SRFBP1: variants seen among roughly 807,000 people sequenced by gnomAD.
The protein encoded by SRFBP1 is serum response factor binding protein 1.
A neutral mutation model predicts 45.5 loss-of-function variants in SRFBP1; 47 were observed. That is an observed-to-expected ratio of 1.03 (90% CI 0.82 to 1.32). The LOEUF (loss-of-function observed/expected upper bound fraction) is 1.32, where lower values mean the gene tolerates loss of function less well. Ranked by LOEUF, SRFBP1 falls within the 40% of genes most tolerant of loss-of-function variation. The pLI is 0.00. For missense variants in SRFBP1, 621 were observed against 484.6 expected (o/e 1.28, Z -2.64); for synonymous variants, 203 against 166.3 (o/e 1.22, Z -1.70).
chr5:122,057,459 CTGTGTGTGTGTG>C (rs3028227), intron 2 of SRFBP1, among the ~76,000 whole-genome samples: 4 of 146,424 alleles, frequency 2.7e-5, no homozygotes, highest in Non-Finnish European at 4.5e-5. Context: ...GTTCTCAGTT[CTGTGTGTGTGTG>C]TGTGTGTGTG....
downstream of SRFBP1, among the ~76,000 whole-genome samples, chr5:122,030,320 C>T (rs1018809902): frequency 6.6e-6 from 1 of 152,218 alleles, no homozygotes; most frequent in African/African-American, 2.4e-5. Flanking sequence ...TTTGTGAAAC[C>T]TTGCCTTATT....
At chr5:122,077,307 C>T (rs546477873), downstream of SRFBP1, 2 of 1,611,226 alleles carry the variant, frequency 1.2e-6, no homozygotes, top group South Asian at 2.2e-5. This position sits in a 1 kb window ranked among gnomAD's most constrained non-coding sequence, Gnocchi z 4.9. Flanking sequence ...AGCCACATAG[C>T]TGGGGACCAG....
chr5:121,972,804 A>T (rs1053770556), intron 1 of SRFBP1, among the ~76,000 whole-genome samples: 1 of 151,812 alleles, frequency 6.6e-6, no homozygotes, highest in Non-Finnish European at 1.5e-5. Context: ...GAATATTATG[A>T]GTGATGACAA....
At chr5:122,077,647 G>C, downstream of SRFBP1, 4 of 1,609,780 alleles carry the variant, frequency 2.5e-6, no homozygotes, top group Admixed American at 1.7e-5. This position sits in a 1 kb window ranked among gnomAD's most constrained non-coding sequence, Gnocchi z 4.9. Context: ...GGCGGCCAGC[G>C]GTGACTCCAG....
chr5:121,967,715 G>A (rs764126068), intron 1 of SRFBP1, among the ~76,000 whole-genome samples: 1 of 152,114 alleles, frequency 6.6e-6, no homozygotes, highest in African/African-American at 2.4e-5. Flanking sequence ...CGTACCTGTA[G>A]TCCCAGCTAC....
downstream of SRFBP1, chr5:122,077,967 C>G: frequency 6.8e-7 from 1 of 1,464,310 alleles, no homozygotes; most frequent in South Asian, 1.5e-5. The surrounding 1 kb of genome is among the most constrained non-coding windows in gnomAD (Gnocchi z 4.9). Flanking sequence ...AGCAGGAGCA[C>G]GGTCCAGGCG....
At chr5:122,015,682 A>G (rs1264223580) in intron 4 of SRFBP1, among the ~76,000 whole-genome samples, 5 of 152,248 alleles carry the variant, frequency 3.3e-5, no homozygotes, top group African/African-American at 1.2e-4. Flanking sequence ...CAGTTTGCCA[A>G]TTCCTGGTTT....
At chr5:122,016,769 C>T (rs1304157541) in intron 4 of SRFBP1, among the ~76,000 whole-genome samples, 1 of 152,104 alleles carries the variant, frequency 6.6e-6, no homozygotes, top group African/African-American at 2.4e-5. Flanking sequence ...AACTCAGCAG[C>T]AGGTTGAAGA....
chr5:122,040,858 T>G (rs1753761896), intron 2 of SRFBP1, among the ~76,000 whole-genome samples: 1 of 152,150 alleles, frequency 6.6e-6, no homozygotes, highest in South Asian at 2.1e-4. Context: ...AAGGTCATCT[T>G]GTTAGAGAGA....
intron 2 of SRFBP1, among the ~76,000 whole-genome samples, chr5:122,048,437 T>A (rs917684717): frequency 3.9e-5 from 6 of 152,210 alleles, no homozygotes; most frequent in Non-Finnish European, 8.8e-5. Flanking sequence ...TGCTATTGGA[T>A]TCGGTTTGCC....
intron 2 of SRFBP1, among the ~76,000 whole-genome samples, 173 bp downstream of exon 2, chr5:121,974,457 T>C (rs1043451652): frequency 1.3e-5 from 2 of 151,976 alleles, no homozygotes; most frequent in African/African-American, 4.8e-5. Context: ...TGTGTCAGCA[T>C]GCCCTTCTAT....
At chr5:122,010,796 C>T (rs1161797588) in intron 4 of SRFBP1, among the ~76,000 whole-genome samples, 1 of 152,036 alleles carries the variant, frequency 6.6e-6, no homozygotes, top group Admixed American at 6.6e-5. Flanking sequence ...TCTTCAAAGA[C>T]AGGAACATAC....
chr5:121,968,353 T>C (rs972142423), intron 1 of SRFBP1, among the ~76,000 whole-genome samples: 1 of 152,002 alleles, frequency 6.6e-6, no homozygotes, highest in African/African-American at 2.4e-5. Context: ...GTGAGAGATT[T>C]CATTATGCTA....
chr5:122,058,564 GTGTGTGTA>G (rs1186067343), intron 2 of SRFBP1, among the ~76,000 whole-genome samples: 5 of 142,294 alleles, frequency 3.5e-5, no homozygotes, highest in African/African-American at 1.4e-4. Flanking sequence ...GTGTGTGTGT[GTGTGTGTA>G]TAAAGCCCTA....
chr5:121,999,486 A>G (rs963832241), intron 4 of SRFBP1, among the ~76,000 whole-genome samples: 5 of 152,024 alleles, frequency 3.3e-5, no homozygotes, highest in African/African-American at 9.7e-5. Context: ...TGGTATTCAG[A>G]TTATCCATAT....
intron 4 of SRFBP1, among the ~76,000 whole-genome samples, chr5:122,010,577 C>T (rs1429709981): frequency 6.6e-6 from 1 of 152,158 alleles, no homozygotes; most frequent in Admixed American, 6.5e-5. Flanking sequence ...ATTACTTCCT[C>T]CAGTTGATTG....
chr5:121,981,480 A>T (rs540399747), intron 3 of SRFBP1, among the ~76,000 whole-genome samples: 159 of 149,416 alleles, frequency 1.1e-3, no homozygotes, highest in Non-Finnish European at 2.1e-3. Context: ...TCCCTGAATG[A>T]TATACAAGAC....
At position 121,975,461 on chromosome 5, in the gene SRFBP1, G is replaced by T. The variant is rs560133099; in HGVS notation, c.198+74G>T. 1.3e-5 allele frequency: 20 copies of T among 1,525,518 alleles called. No individual in the cohort carries two copies. The African/African-American group carries it at 1.9e-4, about 15-fold the overall frequency. The allele number at this position is 1,525,518 out of a possible 1,614,324, so 94.5% of individuals were successfully genotyped here. A position where few individuals can be genotyped will look rare whatever the true frequency, so the allele number is the denominator to read the frequency against. ...TTATCCTGCATTTTGTTTGTGTGTG[G>T]TATTGCTTATTTGAATATTCCCGAG... On this transcript the variant is annotated intron_variant, in intron 3 of 7. Coordinates refer to ENST00000339397, the MANE Select transcript of SRFBP1 (RefSeq NM_152546.3).
chr5:122,009,664 G>A (rs982391163), intron 4 of SRFBP1, among the ~76,000 whole-genome samples: 2 of 152,136 alleles, frequency 1.3e-5, no homozygotes, highest in South Asian at 4.1e-4. Flanking sequence ...CTGTGTATGT[G>A]TAGCTCTTTG....
Sources: gnomAD v4.1 joint callset for allele counts (sites outside exome capture counted in the v4.1 genomes callset) on GRCh38, gnomAD v4.1.1 for gene constraint, Gnocchi (gnomAD v3.1) non-coding constraint, MANE v1.5 for transcripts, NCBI Gene and HGNC (gene_info 2026-07-23, HGNC 2026-07-21) for gene names.